TNFSF4: variants seen among roughly 807,000 people sequenced by gnomAD.
TNFSF4 encodes tumor necrosis factor ligand superfamily member 4.
In TNFSF4, 4 loss-of-function variants were observed where a neutral mutation model predicts 7.3. The ratio of observed to expected loss-of-function variants is 0.55; its 90% CI spans 0.27 to 1.25. The LOEUF (loss-of-function observed/expected upper bound fraction) is 1.25, where lower values mean the gene tolerates loss of function less well. Ranked by LOEUF, TNFSF4 falls within the 50% of genes most tolerant of loss-of-function variation. The pLI is 0.12. For missense variants in TNFSF4, 181 were observed against 208.8 expected (o/e 0.87, Z 0.82); for synonymous variants, 76 against 83.7 (o/e 0.91, Z 0.50).
the TNFSF4 span, among the ~76,000 whole-genome samples, chr1:173,232,846 T>G: frequency 6.6e-6 from 1 of 152,208 alleles, no homozygotes; most frequent in African/African-American, 2.4e-5. Context: ...ATAAGCTCTT[T>G]GTTGTGCTGC....
At chr1:173,174,105 A>G in the TNFSF4 span, among the ~76,000 whole-genome samples, 1 of 152,202 alleles carries the variant, frequency 6.6e-6, no homozygotes, top group East Asian at 1.9e-4. Context: ...TCTCAAGTTC[A>G]AAGTTCCACA....
the TNFSF4 span, among the ~76,000 whole-genome samples, chr1:173,400,188 C>A: frequency 6.6e-6 from 1 of 152,318 alleles, no homozygotes; most frequent in South Asian, 2.1e-4. Context: ...CTTGTCTTAC[C>A]GTGTTTTCCA....
At chr1:173,327,786 A>T in the TNFSF4 span, among the ~76,000 whole-genome samples, 1 of 152,194 alleles carries the variant, frequency 6.6e-6, no homozygotes, top group African/African-American at 2.4e-5. Flanking sequence ...GAGAAATGCA[A>T]ATCAAAACCA....
chr1:173,328,380 G>A, the TNFSF4 span, among the ~76,000 whole-genome samples: 7 of 151,046 alleles, frequency 4.6e-5, no homozygotes, highest in Admixed American at 1.3e-4. Context: ...GGGAGGGATA[G>A]CATTAGGAGA....
At chr1:173,364,412 C>CAT in the TNFSF4 span, among the ~76,000 whole-genome samples, 2 of 146,214 alleles carry the variant, frequency 1.4e-5, no homozygotes, top group African/African-American at 5.0e-5. Context: ...TACACACACA[C>CAT]ATATATATAC....
the TNFSF4 span, among the ~76,000 whole-genome samples, chr1:173,293,772 A>G: frequency 6.6e-6 from 1 of 152,104 alleles, no homozygotes; most frequent in Non-Finnish European, 1.5e-5. Flanking sequence ...ATCAAGCAGA[A>G]AAACAAATAA....
At chr1:173,206,238 G>A (rs1482743698) in intron 1 of TNFSF4, among the ~76,000 whole-genome samples, 1 of 151,948 alleles carries the variant, frequency 6.6e-6, no homozygotes, top group African/African-American at 2.4e-5. Context: ...CTGCAGTGAA[G>A]AACATCCTTA....
At chr1:173,348,066 A>G in the TNFSF4 span, among the ~76,000 whole-genome samples, 1 of 152,242 alleles carries the variant, frequency 6.6e-6, no homozygotes. Context: ...AACTTAGAAG[A>G]AAGCAGAGCT....
In TNFSF4 at chr1:173,199,038, T is replaced by TA. The variant is rs567945530; in HGVS notation, c.153+7985dup. On this transcript the variant is annotated intron_variant, in intron 1 of 2. Transcript: ENST00000281834. The stretch of plus-strand genomic sequence containing the variant: ...TAATCCCAATCAAGATACTAGGTAT[T>TA]AAAGCTGGTAGGTAGCTTTCTGTGA... Among the ~76,000 whole-genome samples the TA allele has an allele frequency of 1.2e-3, 188 of 152,326 alleles. 1 individual carries two copies. Among genetic ancestry groups the TA allele is most frequent in the Middle Eastern group, 3.4e-3 (1 of 294 alleles).
chr1:173,446,621 C>G, the TNFSF4 span, among the ~76,000 whole-genome samples: 1 of 152,186 alleles, frequency 6.6e-6, no homozygotes, highest in Non-Finnish European at 1.5e-5. Flanking sequence ...TCTGGGTGGG[C>G]ACCATCTAAT....
At chr1:173,397,178 G>C in the TNFSF4 span, among the ~76,000 whole-genome samples, 2 of 152,168 alleles carry the variant, frequency 1.3e-5, no homozygotes, top group Admixed American at 1.3e-4. Context: ...TGGATAAGCA[G>C]AAAAGTTCTA....
chr1:173,334,417 T>G, the TNFSF4 span, among the ~76,000 whole-genome samples: 1 of 152,236 alleles, frequency 6.6e-6, no homozygotes, highest in Non-Finnish European at 1.5e-5. Context: ...AAGAAAATGA[T>G]GAGCCTAAGT....
chr1:173,306,556 GT>G, the TNFSF4 span, among the ~76,000 whole-genome samples: 1 of 151,928 alleles, frequency 6.6e-6, no homozygotes, highest in East Asian at 1.9e-4. Flanking sequence ...TCCTGGAGTG[GT>G]TTTGTGGCTT....
downstream of TNFSF4, chr1:173,183,711 C>T (rs1445767794): frequency 2.6e-5 from 4 of 152,126 alleles, no homozygotes; most frequent in Non-Finnish European, 4.4e-5. Context: ...GATAAATGAA[C>T]ACTCCAACAC....
the TNFSF4 span, among the ~76,000 whole-genome samples, chr1:173,420,231 A>G: frequency 6.6e-6 from 1 of 152,166 alleles, no homozygotes; most frequent in Non-Finnish European, 1.5e-5. Flanking sequence ...AAAGTAAAAA[A>G]CAGTCTACTC....
At chr1:173,351,605 T>G in the TNFSF4 span, 1 of 215,740 alleles carries the variant, frequency 4.6e-6, no homozygotes, top group Non-Finnish European at 9.0e-6. Context: ...TTGAAACTAA[T>G]GAGAACAAAG....
chr1:173,365,109 A>T, the TNFSF4 span, among the ~76,000 whole-genome samples: 2 of 151,754 alleles, frequency 1.3e-5, no homozygotes, highest in Admixed American at 6.6e-5. Context: ...AAAAGACAGA[A>T]AAAAGAATGC....
the TNFSF4 span, among the ~76,000 whole-genome samples, chr1:173,338,651 A>C: frequency 2.0e-5 from 3 of 152,192 alleles, no homozygotes; most frequent in African/African-American, 7.2e-5. Flanking sequence ...TGGGTCCAGA[A>C]ATCAAGAATG....
At chr1:173,179,160 A>C (rs1196307686), downstream of TNFSF4, among the ~76,000 whole-genome samples, 1 of 152,188 alleles carries the variant, frequency 6.6e-6, no homozygotes, top group Non-Finnish European at 1.5e-5. Context: ...CGTTCGTGGT[A>C]ATTTTTTACA....
Sources: gnomAD v4.1 joint callset for allele counts (sites outside exome capture counted in the v4.1 genomes callset) on GRCh38, gnomAD v4.1.1 for gene constraint, MANE v1.5 for transcripts, NCBI Gene and HGNC (gene_info 2026-07-23, HGNC 2026-07-21) for gene names.